The following SRCIN1 variants were observed in gnomAD, a reference collection of about 807,000 sequenced individuals.
SRCIN1 encodes SRC kinase signaling inhibitor 1, also known as P130Cas-associated protein.
A neutral mutation model predicts 116.2 loss-of-function variants in SRCIN1; 50 were observed. The ratio of observed to expected loss-of-function variants is 0.43; its 90% CI spans 0.34 to 0.54. SRCIN1 has a LOEUF of 0.54. SRCIN1 is among the 20% of genes least tolerant of loss of function. SRCIN1 has a pLI of 0.02. For missense variants in SRCIN1, 1,446 were observed against 1,672.0 expected, an observed-to-expected ratio of 0.86 and a Z score of 2.36; for synonymous variants, 736 against 750.0, an observed-to-expected ratio of 0.98 and a Z score of 0.30.
chr17:38,558,286 C>T lies in SRCIN1; in HGVS notation c.2142G>A (p.Leu714=), dbSNP rs1905937710. The T allele has an allele frequency of 6.2e-7, 1 of 1,612,354 alleles. No individual in the cohort carries two copies. The highest frequency in any genetic ancestry group is 8.5e-7 in the Non-Finnish European group (1 of 1,179,688). The part of the protein sequence containing the change: ...QEDPLQRQRT[L]VEEERLRYLN... The stretch of plus-strand genomic sequence containing the variant: ...GATAGCGCAGCCGTTCCTCTTCCAC[C>T]AGGGTGCGCTGCCGCTGCAGCGGGT... The change falls in exon 11 of 19, where the codon CTG becomes CTA. Residue 714 remains leucine, a synonymous_variant. Coordinates refer to ENST00000617146, the MANE Select transcript of SRCIN1 (RefSeq NM_025248.3). The surrounding 1 kb of genome is among the most constrained non-coding windows in gnomAD (Gnocchi z 4.6).
At position 38,564,292 on chromosome 17, in the gene SRCIN1, G is replaced by C. The variant is rs1363807956; in HGVS notation, c.367C>G (p.Gln123Glu). 1 of 1,566,414 alleles carries C rather than the reference G, an allele frequency of 6.4e-7. No individual in the cohort carries two copies. The highest frequency in any genetic ancestry group is 1.2e-5 in the South Asian group (1 of 85,582). ...SFKTRSSRHTQGAQPGLADQA... is the reference protein window; with the variant it reads ...SFKTRSSRHTEGAQPGLADQA... ...TCTGCCAGCCCGGGCTGGGCTCCCT[G>C]AGTGTGGCGTGAGCTGCGGGTCTGC... is the stretch of plus-strand genomic sequence containing the variant. The change falls in exon 4 of 19, where the codon CAG (glutamine) becomes GAG (glutamate). Residue 123 changes from glutamine to glutamate, a missense_variant. Transcript: ENST00000617146.
At chr17:38,595,287 G>A (rs2471632) in intron 1 of SRCIN1, among the ~76,000 whole-genome samples, 7,889 of 151,784 alleles carry the variant, frequency 0.052, 426 homozygotes, top group South Asian at 0.14. Context: ...GCGCAATCTC[G>A]GCTCACTGCA....
chr17:38,547,866 A>G, intron 17 of SRCIN1: 1 of 156,246 alleles, frequency 6.4e-6, no homozygotes, highest in South Asian at 8.6e-5. Context: ...GAAGACACTG[A>G]GCTTCTCTCA....
At chr17:38,574,843 G>A in intron 2 of SRCIN1, 1 of 400,830 alleles carries the variant, frequency 2.5e-6, no homozygotes, top group Admixed American at 4.4e-5. Context: ...TCCACCATGG[G>A]CTTGGGGGGT....
In SRCIN1 at chr17:38,604,602, T is replaced by G; in HGVS notation, c.22+1082A>C. 2.3e-6 allele frequency: 1 copy of G among 442,792 alleles called. No homozygotes were observed. The allele number at this position is 442,792 out of a possible 1,614,324, so 27.4% of individuals were successfully genotyped here. A position where few individuals can be genotyped will look rare whatever the true frequency, so the allele number is the denominator to read the frequency against. The stretch of plus-strand genomic sequence containing the variant: ...CGCCGGAGGCACTGCCAGGGCTGCA[T>G]GGGGACGCGTGGGGCTGGGGGACGA... On this transcript the variant is annotated intron_variant, in intron 1 of 18. Transcript: ENST00000617146. This position sits in a 1 kb window ranked among gnomAD's most constrained non-coding sequence, Gnocchi z 4.3.
In SRCIN1 at chr17:38,530,558, G is replaced by A. The variant is rs2040906404; in HGVS notation, c.*2739C>T. ...CCAGCGGGGACGGGGGCTCAGGAAGGGATCTGGAGCCAGTGGTGCAGGGAT... is the reference window on the plus strand; with the variant it reads ...CCAGCGGGGACGGGGGCTCAGGAAGAGATCTGGAGCCAGTGGTGCAGGGAT... On this transcript the variant is annotated 3_prime_UTR_variant, in exon 19 of 19. Coordinates refer to ENST00000617146, the MANE Select transcript of SRCIN1 (RefSeq NM_025248.3). The A allele has an allele frequency of 6.6e-6, 1 of 152,620 alleles. No homozygotes were observed. Among genetic ancestry groups the A allele is most frequent in the African/African-American group, 2.4e-5 (1 of 41,444 alleles). The allele number at this position is 152,620 out of a possible 1,614,324, so 9.5% of individuals were successfully genotyped here. A position where few individuals can be genotyped will look rare whatever the true frequency, so the allele number is the denominator to read the frequency against.
chr17:38,563,383 T>C lies in SRCIN1; in HGVS notation c.680A>G (p.Asn227Ser), dbSNP rs1418725259. Residue 227 changes from asparagine (N) to serine (S), a missense_variant, in exon 5 of 19, where the codon AAT becomes AGT. Coordinates refer to ENST00000617146, the MANE Select transcript of SRCIN1 (RefSeq NM_025248.3). The surrounding 1 kb of genome is among the most constrained non-coding windows in gnomAD (Gnocchi z 5.8). ...CTCGTCTTTGATGAGGATGGCGGTA[T>C]TGGGCGACTTAAGCATGCCCATGGT... ...KLTMGMLKSPNTAILIKDEAR... is the reference protein window; with the variant it reads ...KLTMGMLKSPSTAILIKDEAR... 6.3e-7 allele frequency: 1 copy of C among 1,580,384 alleles called. No individual in the cohort carries two copies. Among genetic ancestry groups the C allele is most frequent in the Non-Finnish European group, 8.6e-7 (1 of 1,162,542 alleles).
At chr17:38,549,272 C>T in intron 15 of SRCIN1, 62 bp from the exon 16 acceptor site, 1 of 1,435,940 alleles carries the variant, frequency 7.0e-7, no homozygotes, top group Non-Finnish European at 9.1e-7. Flanking sequence ...TGCACTACAT[C>T]TAACTTGAAG....
rs766021752 is a variant in SRCIN1 at position 38,559,754 on chromosome 17, C to T, written c.1856G>A (p.Arg619Gln). 1.3e-6 allele frequency: 2 copies of T among 1,522,960 alleles called. No homozygotes were observed. Among genetic ancestry groups the T allele is most frequent in the South Asian group, 2.5e-5 (2 of 79,610 alleles). 94.3% of individuals were successfully genotyped at this position (1,522,960 alleles called of 1,614,324 possible). Residue 619 changes from arginine to glutamine, a missense_variant, in exon 10 of 19, where the codon CGG becomes CAG. This residue lies in a region of SRCIN1 where 398 missense variants were observed against 385.6 expected (regional missense o/e 1.03). Transcript: ENST00000617146. ...GGACACCGGGGTGGCCCCGCTGCTC[C>T]GGCCGCCTGACCCACAGGCTGCAGA... is the stretch of plus-strand genomic sequence containing the variant. The part of the protein sequence containing the change: ...TPSAPCGSGG[R>Q]SSGATPVSGP...
In SRCIN1 at chr17:38,552,613, A is replaced by G. The variant is rs1355181649; in HGVS notation, c.2333-19T>C. 1.2e-6 allele frequency: 2 copies of G among 1,612,724 alleles called. No individual in the cohort carries two copies. The highest frequency in any genetic ancestry group is 1.7e-6 in the Non-Finnish European group (2 of 1,179,804). Reference sequence around the variant, plus strand: ...AAGTGAGCTGAGGAGACAGGAAGGCATGAGCTGGGGCCAGAGGGAGCACCA... The same window carrying G: ...AAGTGAGCTGAGGAGACAGGAAGGCGTGAGCTGGGGCCAGAGGGAGCACCA... On this transcript the variant is annotated intron_variant, in intron 12 of 18. Coordinates refer to ENST00000617146, the MANE Select transcript of SRCIN1 (RefSeq NM_025248.3). The surrounding 1 kb of genome is among the most constrained non-coding windows in gnomAD (Gnocchi z 5.3).
At chr17:38,537,529 T>C (rs1045948731) in intron 18 of SRCIN1, among the ~76,000 whole-genome samples, 11 of 152,006 alleles carry the variant, frequency 7.2e-5, no homozygotes, top group South Asian at 2.1e-4. Flanking sequence ...CTGTGGCTCA[T>C]GCCTGTAATC....
chr17:38,535,201 TTTTC>T (rs1346825213), intron 18 of SRCIN1, among the ~76,000 whole-genome samples: 25 of 140,184 alleles, frequency 1.8e-4, no homozygotes, highest in South Asian at 1.7e-3. Context: ...TGGGTTTTCT[TTTTC>T]TTTCTTTTTT....
At chr17:38,579,115 G>A (rs1907628128) in intron 1 of SRCIN1, among the ~76,000 whole-genome samples, 1 of 152,204 alleles carries the variant, frequency 6.6e-6, no homozygotes, top group South Asian at 2.1e-4. Context: ...GGATGAAAGG[G>A]GTAGAAGGTA....
intron 1 of SRCIN1, among the ~76,000 whole-genome samples, chr17:38,580,907 C>T (rs1907754416): frequency 6.6e-6 from 1 of 152,210 alleles, no homozygotes; most frequent in Admixed American, 6.5e-5. Context: ...GTGATCATAG[C>T]TCACTGCAGC....
intron 3 of SRCIN1, among the ~76,000 whole-genome samples, chr17:38,566,535 A>G (rs1199068167): frequency 6.6e-6 from 1 of 152,164 alleles, no homozygotes; most frequent in Non-Finnish European, 1.5e-5. Flanking sequence ...GGAGGTAGAG[A>G]GCGCCTATCA....
chr17:38,560,454 C>A, intron 7 of SRCIN1, 29 bp from the exon 8 acceptor site: 2 of 1,571,784 alleles, frequency 1.3e-6, no homozygotes, highest in East Asian at 2.3e-5. Context: ...TGGGCAACCT[C>A]GCCTCTGAGC....
In SRCIN1 at chr17:38,563,048, GCACACACGCCCAGCAGCCTC is replaced by G; in HGVS notation, c.741-148_741-129del. On this transcript the variant is annotated intron_variant, in intron 5 of 18. Transcript: ENST00000617146. The surrounding 1 kb of genome is among the most constrained non-coding windows in gnomAD (Gnocchi z 5.8). ...CCGGGAGCCCCATCTCAGGCTGCCT[GCACACACGCCCAGCAGCCTC>G]CACCCCGGCCTCTTCCTGGCCTCCG... The G allele has an allele frequency of 1.2e-6, 1 of 850,870 alleles. No homozygotes were observed. The allele number at this position is 850,870 out of a possible 1,614,324, so 52.7% of individuals were successfully genotyped here. A position where few individuals can be genotyped will look rare whatever the true frequency, so the allele number is the denominator to read the frequency against.
rs1904937396 is a variant in SRCIN1, at chr17:38,544,254, A to T, written c.3271-285T>A. Among the ~76,000 whole-genome samples the T allele has an allele frequency of 1.3e-5, 2 of 152,036 alleles. No individual in the cohort carries two copies. Among genetic ancestry groups the T allele is most frequent in the Admixed American group, 1.3e-4 (2 of 15,280 alleles). On this transcript the variant is annotated intron_variant, in intron 17 of 18. Coordinates refer to ENST00000617146, the MANE Select transcript of SRCIN1 (RefSeq NM_025248.3). The surrounding 1 kb of genome is among the most constrained non-coding windows in gnomAD (Gnocchi z 4.5). The stretch of plus-strand genomic sequence containing the variant: ...TCCTTGAGTAGCTCAGGGGCAGCTG[A>T]TGCCCTCCTTGGGGAGCCTCTGCTA...
intron 17 of SRCIN1, among the ~76,000 whole-genome samples, chr17:38,547,226 C>T (rs1263618023): frequency 1.3e-5 from 2 of 152,202 alleles, no homozygotes; most frequent in African/African-American, 2.4e-5. Context: ...CGAGCCTACC[C>T]CTGTGGTGTC....
Sources: gnomAD v4.1 joint callset for allele counts (sites outside exome capture counted in the v4.1 genomes callset) on GRCh38, gnomAD v4.1.1 for gene constraint, gnomAD v4.1.1 regional missense constraint, Gnocchi (gnomAD v3.1) non-coding constraint, MANE v1.5 for transcripts, NCBI Gene and HGNC (gene_info 2026-07-23, HGNC 2026-07-21) for gene names.